Variants in GLRA3 observed in about 807,000 individuals in gnomAD.
GLRA3 encodes glycine receptor subunit alpha-3.
In GLRA3, 44 loss-of-function variants were observed where a neutral mutation model predicts 60.4. The observed-to-expected ratio is 0.73, with a 90% CI of 0.57 to 0.94. The LOEUF (loss-of-function observed/expected upper bound fraction) is 0.94, where lower values mean the gene tolerates loss of function less well. Among genes scored for constraint, GLRA3 ranks in the 40% least tolerant of loss-of-function variants. The pLI is 0.00. For missense variants in GLRA3, 508 were observed against 564.6 expected (o/e 0.90, Z 1.02); for synonymous variants, 223 against 192.9 (o/e 1.16, Z -1.29).
At chr4:174,775,252 A>C (rs11133054) in intron 2 of GLRA3, among the ~76,000 whole-genome samples, 111,159 of 151,668 alleles carry the variant, frequency 0.73, 41,024 homozygotes, top group East Asian at 0.99. Context: ...GTCTTGGTGG[A>C]TAGGAATAGT....
intron 5 of GLRA3, among the ~76,000 whole-genome samples, chr4:174,705,396 T>C (rs1036540839): frequency 6.9e-6 from 1 of 144,288 alleles, no homozygotes; most frequent in Non-Finnish European, 1.5e-5. Context: ...TCTGTGGTAT[T>C]GTGTCATAGC....
intron 3 of GLRA3, among the ~76,000 whole-genome samples, chr4:174,731,488 C>T (rs1736545661): frequency 6.6e-6 from 1 of 152,122 alleles, no homozygotes; most frequent in Non-Finnish European, 1.5e-5. Flanking sequence ...GGTTAAATTA[C>T]ATCTCTACAT....
chr4:174,823,820 T>G (rs1196026970), intron 1 of GLRA3, among the ~76,000 whole-genome samples: 2 of 152,158 alleles, frequency 1.3e-5, no homozygotes, highest in African/African-American at 4.8e-5. Flanking sequence ...GATAGAAAGA[T>G]ATTAATATAT....
chr4:174,788,485 T>C (rs1739202302), intron 2 of GLRA3, among the ~76,000 whole-genome samples: 1 of 151,342 alleles, frequency 6.6e-6, no homozygotes, highest in South Asian at 2.1e-4. Flanking sequence ...GAAGCTTCCA[T>C]TCCAGTTAGA....
chr4:174,797,631 T>A (rs1287931640), intron 1 of GLRA3, among the ~76,000 whole-genome samples: 1 of 151,954 alleles, frequency 6.6e-6, no homozygotes, highest in Non-Finnish European at 1.5e-5. Context: ...AACAATAATA[T>A]CCAATAAGAT....
chr4:174,802,737 T>A (rs1739868318), intron 1 of GLRA3, among the ~76,000 whole-genome samples: 2 of 152,046 alleles, frequency 1.3e-5, no homozygotes, highest in African/African-American at 4.8e-5. Flanking sequence ...TAGAAGTAGA[T>A]AAAAATCAAG....
intron 2 of GLRA3, among the ~76,000 whole-genome samples, chr4:174,769,898 CT>C (rs1384469315): frequency 6.6e-6 from 1 of 152,010 alleles, no homozygotes; most frequent in Non-Finnish European, 1.5e-5. Context: ...TTTGAAGATA[CT>C]TTTTCACTAT....
chr4:174,753,276 C>T (rs1276360421), intron 3 of GLRA3, among the ~76,000 whole-genome samples: 4 of 152,060 alleles, frequency 2.6e-5, no homozygotes, highest in Non-Finnish European at 5.9e-5. Context: ...GAAGTCTCAT[C>T]GCAGCAACAG....
chr4:174,662,046 T>A (rs1307595362), intron 7 of GLRA3, among the ~76,000 whole-genome samples: 1 of 152,194 alleles, frequency 6.6e-6, no homozygotes, highest in East Asian at 1.9e-4. Context: ...TATCTGTGTA[T>A]ATGTCCATTG....
chr4:174,787,266 T>A (rs1009694519), intron 2 of GLRA3, among the ~76,000 whole-genome samples: 1 of 152,112 alleles, frequency 6.6e-6, no homozygotes, highest in Non-Finnish European at 1.5e-5. Flanking sequence ...CATTTTCTTC[T>A]TTAATTTTCA....
At chr4:174,704,290 T>C (rs977141460) in intron 5 of GLRA3, among the ~76,000 whole-genome samples, 1 of 143,136 alleles carries the variant, frequency 7.0e-6, no homozygotes, top group Admixed American at 7.2e-5. Context: ...TCAGACCCTA[T>C]ATACAAAAAA....
intron 3 of GLRA3, among the ~76,000 whole-genome samples, chr4:174,758,301 T>TAAC (rs1168920750): frequency 6.6e-6 from 1 of 152,176 alleles, no homozygotes; most frequent in Non-Finnish European, 1.5e-5. Flanking sequence ...TAATCAAGCT[T>TAAC]AACATATTCA....
At chr4:174,732,533 A>ACAAAC (rs1736593692) in intron 3 of GLRA3, among the ~76,000 whole-genome samples, 2 of 152,132 alleles carry the variant, frequency 1.3e-5, no homozygotes, top group South Asian at 4.1e-4. Flanking sequence ...AAAAACCAAG[A>ACAAAC]CAAACCAAAC....
At chr4:174,737,570 G>A (rs944276044) in intron 3 of GLRA3, among the ~76,000 whole-genome samples, 3 of 152,012 alleles carry the variant, frequency 2.0e-5, no homozygotes, top group Non-Finnish European at 2.9e-5. Context: ...CTGGAGTGCA[G>A]TGGCACAATC....
At chr4:174,790,846 A>AAT (rs1739315792) in intron 1 of GLRA3, among the ~76,000 whole-genome samples, 1 of 145,068 alleles carries the variant, frequency 6.9e-6, no homozygotes, top group Non-Finnish European at 1.5e-5. Context: ...AAAAAAAAAA[A>AAT]GAAAGAAATT....
chr4:174,753,374 T>G (rs1737561487), intron 3 of GLRA3, among the ~76,000 whole-genome samples: 1 of 152,176 alleles, frequency 6.6e-6, no homozygotes, highest in Admixed American at 6.5e-5. Context: ...GCTGAAGAGC[T>G]ATCTGCAATT....
chr4:174,738,347 G>A (rs1736882451), intron 3 of GLRA3, among the ~76,000 whole-genome samples: 1 of 152,064 alleles, frequency 6.6e-6, no homozygotes, highest in Non-Finnish European at 1.5e-5. Flanking sequence ...TTTCTACTTG[G>A]GTAGAGAACA....
chr4:174,762,466 C>T (rs1469820331), intron 3 of GLRA3, among the ~76,000 whole-genome samples: 1 of 151,962 alleles, frequency 6.6e-6, no homozygotes, highest in Non-Finnish European at 1.5e-5. Flanking sequence ...TGATTTTTTT[C>T]TTCAAGATTA....
intron 2 of GLRA3, among the ~76,000 whole-genome samples, chr4:174,781,613 TA>T (rs1489362715): frequency 1.1e-4 from 16 of 149,788 alleles, no homozygotes; most frequent in African/African-American, 2.0e-4. Flanking sequence ...ATAGACGCAA[TA>T]AAAAATGAGA....
Sources: gnomAD v4.1 joint callset for allele counts (sites outside exome capture counted in the v4.1 genomes callset) on GRCh38, gnomAD v4.1.1 for gene constraint, MANE v1.5 for transcripts, NCBI Gene and HGNC (gene_info 2026-07-23, HGNC 2026-07-21) for gene names.